GCSAML: variants seen among roughly 807,000 people sequenced by gnomAD.
GCSAML encodes germinal center-associated signaling and motility-like protein.
In GCSAML, 9 loss-of-function variants were observed where a neutral mutation model predicts 13.0. The observed-to-expected ratio is 0.69, with a 90% CI of 0.42 to 1.21. The LOEUF is 1.21. Among genes scored for constraint, GCSAML ranks in the 50% most tolerant of loss-of-function variants. The pLI is 0.00. For synonymous variants in GCSAML, 37 were observed against 52.9 expected (o/e 0.70, Z 1.31); for missense variants, 143 against 153.4 (o/e 0.93, Z 0.36).
In GCSAML at chr1:247,523,813, A is replaced by G. The variant is rs1170001655; in HGVS notation, c.-262-3127A>G. 1.3e-5 allele frequency among the ~76,000 whole-genome samples: 2 copies of G among 152,180 alleles called. 1 individual carries two copies. Among genetic ancestry groups the G allele is most frequent in the Non-Finnish European group, 2.9e-5 (2 of 68,038 alleles). On this transcript the variant is annotated intron_variant, in intron 1 of 5. Transcript: ENST00000366489. The stretch of plus-strand genomic sequence containing the variant: ...ATCAACAGCTATTAAAAGTGTTACA[A>G]ATGTGAATGAAATAAAATAAATGAA...
intron 1 of GCSAML, among the ~76,000 whole-genome samples, chr1:247,520,515 C>T (rs1481309951): frequency 7.9e-6 from 1 of 126,140 alleles, no homozygotes; most frequent in African/African-American, 3.0e-5. Context: ...CAGATAAGTA[C>T]CCCCACCTCT....
intron 4 of GCSAML, among the ~76,000 whole-genome samples, chr1:247,569,805 G>T (rs1190869113): frequency 6.6e-6 from 1 of 152,148 alleles, no homozygotes; most frequent in Non-Finnish European, 1.5e-5. Flanking sequence ...TTGTATCTCT[G>T]GTAGAATTCA....
chr1:247,517,156 G>C (rs1881795), intron 1 of GCSAML, among the ~76,000 whole-genome samples: 6,027 of 152,144 alleles, frequency 0.04, 405 homozygotes, highest in African/African-American at 0.14. Flanking sequence ...AGCTGCTTTT[G>C]GTCTTTTGGA....
chr1:247,538,909 C>T (rs1271267097), intron 2 of GCSAML: 2 of 346,144 alleles, frequency 5.8e-6, no homozygotes, highest in East Asian at 8.3e-5. Flanking sequence ...CTTTAGAAAA[C>T]GAACCCTGTT....
Position 247,526,595 on chromosome 1 carries a change from C to T in GCSAML, c.-262-345C>T, listed in dbSNP as rs375324668. ...AATGTGGCCTGGGTCCTTCACTCTC[C>T]ACATTTCTCAGCTGTGCATGCTGTG... On this transcript the variant is annotated intron_variant, in intron 1 of 5. Transcript: ENST00000366489. This position sits in a 1 kb window ranked among gnomAD's most constrained non-coding sequence, Gnocchi z 4.8. The T allele has an allele frequency of 1.3e-3, 253 of 196,320 alleles. 1 individual carries two copies. The highest frequency in any genetic ancestry group is 5.7e-3 in the African/African-American group (240 of 42,374). The allele number at this position is 196,320 out of a possible 1,614,324, so 12.2% of individuals were successfully genotyped here.
intron 1 of GCSAML, among the ~76,000 whole-genome samples, chr1:247,555,816 C>T (rs936739443): frequency 6.6e-6 from 1 of 152,328 alleles, no homozygotes; most frequent in Non-Finnish European, 1.5e-5. Context: ...CACCTGATTT[C>T]TCTAACTTCG....
intron 2 of GCSAML, chr1:247,531,945 A>T: frequency 6.2e-7 from 1 of 1,614,172 alleles, no homozygotes; most frequent in Non-Finnish European, 8.5e-7. Context: ...TATCCACACA[A>T]GCCAGTTGCA....
intron 4 of GCSAML, among the ~76,000 whole-genome samples, chr1:247,567,966 T>A (rs1443084514): frequency 6.6e-6 from 1 of 152,238 alleles, no homozygotes; most frequent in East Asian, 1.9e-4. Context: ...TTTGGCTGCA[T>A]AAATGTCTTC....
rs1668827206 is a variant in GCSAML at position 247,576,182 on chromosome 1, A to G, written c.*1800A>G. The G allele has an allele frequency of 1.3e-5, 2 of 152,192 alleles. No homozygotes were observed. Among genetic ancestry groups the G allele is most frequent in the South Asian group, 4.1e-4 (2 of 4,832 alleles). The allele number at this position is 152,192 out of a possible 1,614,324, so 9.4% of individuals were successfully genotyped here. On this transcript the variant is annotated 3_prime_UTR_variant, in exon 5 of 5. Coordinates refer to ENST00000366488, the MANE Select transcript of GCSAML (RefSeq NM_145278.5). ...AATATTTTAAATAATTTTATGCCTG[A>G]AACAGAGTTTGCGCACATTGGACCA... is the stretch of plus-strand genomic sequence containing the variant.
At chr1:247,568,167 C>T (rs1227326803) in intron 4 of GCSAML, among the ~76,000 whole-genome samples, 2 of 152,032 alleles carry the variant, frequency 1.3e-5, no homozygotes, top group East Asian at 1.9e-4. Context: ...ATGCAGAAGC[C>T]CTTTAGTTTA....
rs538762144 is a variant in GCSAML, at chr1:247,564,938, A to G, written c.140-993A>G. 1.1e-4 allele frequency among the ~76,000 whole-genome samples: 17 copies of G among 152,356 alleles called. No homozygotes were observed. The South Asian group carries it at 3.5e-3, about 32-fold the overall frequency. Reference sequence around the variant, plus strand: ...CCTGTAAAACAACCTAGGCAATACCATTCAGAACATAGGAATGAGCAAATA... The same window carrying G: ...CCTGTAAAACAACCTAGGCAATACCGTTCAGAACATAGGAATGAGCAAATA... On this transcript the variant is annotated intron_variant, in intron 3 of 4. Coordinates refer to ENST00000366488, the MANE Select transcript of GCSAML (RefSeq NM_145278.5).
At chr1:247,556,944 T>A (rs1667975404) in intron 2 of GCSAML, among the ~76,000 whole-genome samples, 1 of 152,204 alleles carries the variant, frequency 6.6e-6, no homozygotes, top group Non-Finnish European at 1.5e-5. Flanking sequence ...GGTTCCTCAC[T>A]CTCTACCTTC....
chr1:247,510,721 G>T (rs771321479), intron 1 of GCSAML, among the ~76,000 whole-genome samples: 5 of 152,022 alleles, frequency 3.3e-5, no homozygotes, highest in Non-Finnish European at 7.4e-5. Flanking sequence ...CGGTTTCAAA[G>T]AACTTATTAC....
At chr1:247,569,711 C>T (rs1041267855) in intron 4 of GCSAML, among the ~76,000 whole-genome samples, 1 of 152,146 alleles carries the variant, frequency 6.6e-6, no homozygotes, top group African/African-American at 2.4e-5. Flanking sequence ...CAGGGTGATG[C>T]TGGCCTCATA....
intron 4 of GCSAML, among the ~76,000 whole-genome samples, chr1:247,573,845 T>G (rs1668726942): frequency 6.6e-6 from 1 of 152,220 alleles, no homozygotes; most frequent in Admixed American, 6.5e-5. Context: ...TCCATTTGTT[T>G]GTTTCCTCTC....
intron 1 of GCSAML, among the ~76,000 whole-genome samples, chr1:247,513,685 G>A (rs781235306): frequency 6.6e-6 from 1 of 152,192 alleles, no homozygotes; most frequent in Non-Finnish European, 1.5e-5. Flanking sequence ...GAGATGGTGG[G>A]AAAATCATAG....
At chr1:247,507,296 T>C (rs565145453) in intron 1 of GCSAML, 1 of 152,276 alleles carries the variant, frequency 6.6e-6, no homozygotes, top group East Asian at 1.9e-4. Context: ...TGTGGTGAAA[T>C]GAGGCAGGAT....
intron 2 of GCSAML, chr1:247,532,179 G>T (rs752389595): frequency 6.2e-7 from 1 of 1,614,066 alleles, no homozygotes; most frequent in East Asian, 2.2e-5. Context: ...GGACACACTC[G>T]GTTGCCCCCA....
In GCSAML at chr1:247,535,012, CT is replaced by C. The variant is rs1487706037; in HGVS notation, c.-148+7959del. 6.6e-5 allele frequency among the ~76,000 whole-genome samples: 10 copies of C among 152,108 alleles called. No individual in the cohort carries two copies. In the East Asian group the frequency reaches 1.9e-3, roughly 29 times the overall value. On this transcript the variant is annotated intron_variant, in intron 2 of 5. Transcript: ENST00000366489. ...ATCCTGGAGAATACATTCCAACCTC[CT>C]CCAAATCAGGGAGGCAAGCCGGGGG...
Sources: allele counts gnomAD v4.1 joint callset (sites outside exome capture counted in the v4.1 genomes callset), GRCh38; gene constraint gnomAD v4.1.1; non-coding constraint Gnocchi (gnomAD v3.1); transcripts MANE v1.5; gene names NCBI Gene and HGNC (gene_info 2026-07-23, HGNC 2026-07-21).